Variants in GRSF1 observed in about 807,000 individuals in gnomAD.
The protein encoded by GRSF1 is G-rich sequence factor 1.
Under a neutral mutation model 51.1 loss-of-function variants are expected in GRSF1, and 50 were observed. The ratio of observed to expected loss-of-function variants is 0.98; its 90% CI spans 0.78 to 1.24. GRSF1 has a LOEUF of 1.24. GRSF1 is among the 50% of genes most tolerant of loss of function. The pLI is 0.00. For synonymous variants in GRSF1, 293 were observed against 253.3 expected, an observed-to-expected ratio of 1.16 and a Z score of -1.49; for missense variants, 700 against 639.7, an observed-to-expected ratio of 1.09 and a Z score of -1.02.
intron 9 of GRSF1, among the ~76,000 whole-genome samples, chr4:70,822,146 C>G (rs1032487644): frequency 2.0e-5 from 3 of 151,676 alleles, no homozygotes; most frequent in Non-Finnish European, 4.4e-5. Flanking sequence ...AAGCAAATCT[C>G]ACGGGTAGGT....
intron 8 of GRSF1, 141 bp from the exon 9 acceptor site, chr4:70,824,509 C>A: frequency 1.9e-6 from 1 of 531,734 alleles, no homozygotes; most frequent in Non-Finnish European, 3.5e-6. Context: ...AGGCCAGACA[C>A]GGTGGCTCAC....
chr4:70,835,913 CT>C (rs1160934445), intron 2 of GRSF1, among the ~76,000 whole-genome samples: 2 of 152,186 alleles, frequency 1.3e-5, no homozygotes, highest in South Asian at 2.1e-4. Flanking sequence ...GCCACTGCCC[CT>C]GGCCCAAAGT....
At chr4:70,831,124 G>A (rs1027413950) in intron 5 of GRSF1, among the ~76,000 whole-genome samples, 21 of 152,098 alleles carry the variant, frequency 1.4e-4, no homozygotes, top group Non-Finnish European at 2.2e-4. Flanking sequence ...TTGGGAGGCC[G>A]AGGCGGGCGG....
intron 9 of GRSF1, among the ~76,000 whole-genome samples, chr4:70,822,678 T>C (rs1030471362): frequency 6.6e-6 from 1 of 151,804 alleles, no homozygotes; most frequent in Non-Finnish European, 1.5e-5. Context: ...AAGTCACATA[T>C]CCAGTCTATT....
upstream of GRSF1, among the ~76,000 whole-genome samples, chr4:70,842,603 A>G (rs927079038): frequency 6.6e-6 from 1 of 151,802 alleles, no homozygotes; most frequent in Non-Finnish European, 1.5e-5. Context: ...CACCTGACCT[A>G]TTTTTCTTTT....
In GRSF1 at chr4:70,839,532, G is replaced by T; in HGVS notation, c.296C>A (p.Ala99Asp). The T allele has an allele frequency of 6.9e-7, 1 of 1,449,632 alleles. No individual in the cohort carries two copies. The highest frequency in any genetic ancestry group is 9.0e-7 in the Non-Finnish European group (1 of 1,106,664). The allele number at this position is 1,449,632 out of a possible 1,614,324, so 89.8% of individuals were successfully genotyped here. A position where few individuals can be genotyped will look rare whatever the true frequency, so the allele number is the denominator to read the frequency against. The change falls in exon 1 of 10, where the codon GCC becomes GAC. Residue 99 changes from alanine to aspartate, a missense_variant. Ala to Asp is a moderately radical substitution (Grantham distance 126). Transcript: ENST00000254799. ...AAAASYSALR[A>D]SLLPQSLAAA... ...CGCCAGCGACTGCGGCAGCAGAGAG[G>T]CACGGAGGGCAGAGTAGGACGCGGC...
Position 70,839,632 on chromosome 4 carries a change from G to T in GRSF1, c.196C>A (p.Leu66Ile). 1 of 1,402,052 alleles carries T rather than the reference G, an allele frequency of 7.1e-7. No homozygotes were observed. Among genetic ancestry groups the T allele is most frequent in the South Asian group, 1.6e-5 (1 of 64,374 alleles). 86.9% of individuals were successfully genotyped at this position (1,402,052 alleles called of 1,614,324 possible). A position where few individuals can be genotyped will look rare whatever the true frequency, so the allele number is the denominator to read the frequency against. Residue 66 changes from leucine (L) to isoleucine (I), a missense_variant, in exon 1 of 10, where the codon CTC (leucine) becomes ATC (isoleucine). Leu to Ile is a conservative substitution (Grantham distance 5). Transcript: ENST00000254799. ...AAAAASQTRG[L>I]QTGPVPPGRL... ...CCGGGAGGCACAGGCCCGGTCTGGA[G>T]GCCACGCGTCTGGGAGGCAGCGGCC... is the stretch of plus-strand genomic sequence containing the variant.
At chr4:70,836,383 G>C in intron 1 of GRSF1, 69 bp from the exon 2 acceptor site, 1 of 1,172,360 alleles carries the variant, frequency 8.5e-7, no homozygotes, top group South Asian at 1.7e-5. Flanking sequence ...AAAATTCTTA[G>C]AAAATGTTTA....
rs4694082 is a variant in GRSF1 at position 70,836,307 on chromosome 4, T to C, written c.365A>G (p.Lys122Arg). The part of the protein sequence containing the change: ...VPTRSYSQES[K>R]TTYLEDLPPP... ...TGGAAGGTCTTCCAGGTAAGTAGTT[T>C]TGGACTCCTTCCAAAGGAAATGAAG... is the stretch of plus-strand genomic sequence containing the variant. Residue 122 changes from lysine (K) to arginine (R), a missense_variant, in exon 2 of 10, where the codon AAA becomes AGA. By Grantham distance (26) the Lys-to-Arg change is conservative. Coordinates refer to ENST00000254799, the MANE Select transcript of GRSF1 (RefSeq NM_002092.4). 531 of 1,570,894 alleles carry C rather than the reference T, an allele frequency of 3.4e-4. 6 individuals are homozygous for C. The Admixed American group carries it at 9.4e-3, about 28-fold the overall frequency.
intron 4 of GRSF1, 116 bp downstream of exon 4, chr4:70,832,191 A>G (rs913040227): frequency 7.5e-6 from 5 of 667,352 alleles, no homozygotes; most frequent in Admixed American, 3.0e-5. Context: ...GCTCTCCCCT[A>G]AAGAACCTAA....
chr4:70,839,900 G>C (rs1734401996), upstream of GRSF1: 1 of 1,369,344 alleles, frequency 7.3e-7, no homozygotes, highest in Non-Finnish European at 9.5e-7. Context: ...TGGAATCCAG[G>C]GCCGGTTGGG....
Position 70,839,586 on chromosome 4 carries a change from GCGGGAGGCCCCGCCAGCCTCC to G in GRSF1, c.221_241del (p.Gly74_Pro80del). On this transcript the variant is annotated inframe_deletion, in exon 1 of 10. Transcript: ENST00000254799. ...CGCGGCCGCGGCAGAGGTGGCCACA[GCGGGAGGCCCCGCCAGCCTCC>G]CGGGAGGCACAGGCCCGGTCTGGAG... 1.4e-6 allele frequency: 2 copies of G among 1,416,528 alleles called. No individual in the cohort carries two copies. The highest frequency in any genetic ancestry group is 1.8e-6 in the Non-Finnish European group (2 of 1,088,686). 87.7% of individuals were successfully genotyped at this position (1,416,528 alleles called of 1,614,324 possible).
chr4:70,832,885 T>C (rs1011968770), intron 3 of GRSF1, among the ~76,000 whole-genome samples: 5 of 151,664 alleles, frequency 3.3e-5, no homozygotes, highest in African/African-American at 1.2e-4. Flanking sequence ...GAGGCAGAGG[T>C]TGCAGTGAGC....
At chr4:70,838,798 C>T in intron 1 of GRSF1, 1 of 190,724 alleles carries the variant, frequency 5.2e-6, no homozygotes, top group South Asian at 8.2e-5. Context: ...CCCTCCCATT[C>T]ACCCCCTCCC....
rs1015064272 is a variant in GRSF1 at position 70,839,675 on chromosome 4, C to T, written c.153G>A (p.Leu51=). 2 of 1,437,118 alleles carry T rather than the reference C, an allele frequency of 1.4e-6. No individual in the cohort carries two copies. The highest frequency in any genetic ancestry group is 2.8e-5 in the South Asian group (2 of 70,470). The allele number at this position is 1,437,118 out of a possible 1,614,324, so 89.0% of individuals were successfully genotyped here. The change falls in exon 1 of 10, where the codon CTG becomes CTA. Residue 51 remains leucine, a synonymous_variant. Transcript: ENST00000254799. ...CAGCGGCCGCGGCGGCCCCGAGCAGCAGCAGCAGGCGGCGGCGGCCCGAGA... is the reference window on the plus strand; with the variant it reads ...CAGCGGCCGCGGCGGCCCCGAGCAGTAGCAGCAGGCGGCGGCGGCCCGAGA... ...SGVSGRRRLL[L]LLGAAAAAAS...
rs1368198513 is a variant in GRSF1 at position 70,816,974 on chromosome 4, A to C, written c.*3913T>G. 1.3e-5 allele frequency: 2 copies of C among 152,154 alleles called. No individual in the cohort carries two copies. The highest frequency in any genetic ancestry group is 6.6e-5 in the Admixed American group (1 of 15,264). 9.4% of individuals were successfully genotyped at this position (152,154 alleles called of 1,614,324 possible). A position where few individuals can be genotyped will look rare whatever the true frequency, so the allele number is the denominator to read the frequency against. Reference sequence around the variant, plus strand: ...TTAGGTGGGAGAAAAGCCAAAATACAAAATAGCATGTACAGTATAATTTAT... The same window carrying C: ...TTAGGTGGGAGAAAAGCCAAAATACCAAATAGCATGTACAGTATAATTTAT... On this transcript the variant is annotated 3_prime_UTR_variant, in exon 10 of 10. Transcript: ENST00000254799.
upstream of GRSF1, chr4:70,839,913 T>G (rs577651318): frequency 1.6e-6 from 2 of 1,246,282 alleles, no homozygotes; most frequent in Non-Finnish European, 2.1e-6. Context: ...CGGTTGGGGG[T>G]GGGGTGTGCC....
rs1181561890 is a variant in GRSF1 at position 70,828,018 on chromosome 4, T to C, written c.969A>G (p.Pro323=). 1.2e-6 allele frequency: 2 copies of C among 1,613,174 alleles called. No individual in the cohort carries two copies. Among genetic ancestry groups the C allele is most frequent in the Non-Finnish European group, 8.5e-7 (1 of 1,179,502 alleles). The stretch of plus-strand genomic sequence containing the variant: ...GTGTTCGAACTTCATTCCTTCTGCT[T>C]GGAAATATCTCGATGTATCTATGTC... The part of the protein sequence containing the change: ...EIGNRYIEIF[P]SRRNEVRTHV... The change falls in exon 6 of 10, where the codon CCA becomes CCG. Residue 323 remains proline (P), a synonymous_variant. Coordinates refer to ENST00000254799, the MANE Select transcript of GRSF1 (RefSeq NM_002092.4).
chr4:70,834,139 G>C (rs139986563), intron 2 of GRSF1, among the ~76,000 whole-genome samples: 2 of 152,224 alleles, frequency 1.3e-5, no homozygotes, highest in Admixed American at 6.5e-5. Flanking sequence ...GGTGCCTGCT[G>C]TCCCACCAAC....
Sources: allele counts gnomAD v4.1 joint callset (sites outside exome capture counted in the v4.1 genomes callset), GRCh38; gene constraint gnomAD v4.1.1; transcripts MANE v1.5; gene names NCBI Gene and HGNC (gene_info 2026-07-23, HGNC 2026-07-21).